SLC25A21: variants seen among roughly 807,000 people sequenced by gnomAD.
The protein encoded by SLC25A21 is solute carrier family 25 member 21.
In SLC25A21, 47 loss-of-function variants were observed where a neutral mutation model predicts 43.8. That is an observed-to-expected ratio of 1.07 (90% CI 0.85 to 1.37). SLC25A21 has a LOEUF of 1.37. SLC25A21 is among the 40% of genes most tolerant of loss of function. The pLI, the probability that SLC25A21 is intolerant of heterozygous loss-of-function variation, is 0.00. For missense variants in SLC25A21, 352 were observed against 350.2 expected (o/e 1.00, Z -0.04); for synonymous variants, 131 against 121.3 (o/e 1.08, Z -0.52).
At chr14:37,002,815 C>T (rs1245892279) in intron 1 of SLC25A21, among the ~76,000 whole-genome samples, 2 of 152,164 alleles carry the variant, frequency 1.3e-5, no homozygotes, top group African/African-American at 4.8e-5. Flanking sequence ...TGCTTTCTTT[C>T]CAGTAACTCC....
intron 1 of SLC25A21, among the ~76,000 whole-genome samples, chr14:37,154,638 G>C (rs1275123168): frequency 7.5e-6 from 1 of 132,868 alleles, no homozygotes; most frequent in Non-Finnish European, 1.6e-5. Context: ...TTTACTAAAA[G>C]ATAGATTTTT....
At chr14:36,739,668 C>T (rs964073464) in intron 3 of SLC25A21, among the ~76,000 whole-genome samples, 2 of 138,150 alleles carry the variant, frequency 1.4e-5, no homozygotes, top group African/African-American at 5.7e-5. Flanking sequence ...CAGAGCAAGA[C>T]TCTGTCTAAA....
At chr14:36,950,997 T>A (rs1892796801) in intron 1 of SLC25A21, among the ~76,000 whole-genome samples, 1 of 152,226 alleles carries the variant, frequency 6.6e-6, no homozygotes, top group Admixed American at 6.5e-5. Context: ...CTCCATTTCC[T>A]CAGCAATGGC....
intron 3 of SLC25A21, among the ~76,000 whole-genome samples, chr14:36,792,167 G>A (rs181010152): frequency 6.6e-6 from 1 of 152,178 alleles, no homozygotes; most frequent in East Asian, 1.9e-4. Context: ...TATGATTAGA[G>A]GACTTAAAAT....
chr14:36,681,946 A>G (rs904721286), intron 9 of SLC25A21, among the ~76,000 whole-genome samples: 3 of 152,318 alleles, frequency 2.0e-5, no homozygotes, highest in African/African-American at 7.2e-5. Flanking sequence ...CTTACTAATC[A>G]TTCACAATGT....
chr14:36,744,871 T>TA (rs398077700), intron 3 of SLC25A21, among the ~76,000 whole-genome samples: 1 of 151,488 alleles, frequency 6.6e-6, no homozygotes, highest in African/African-American at 2.4e-5. Context: ...TTCTTTTTTT[T>TA]TATTATAGTT....
chr14:36,821,571 C>T (rs913791438), intron 2 of SLC25A21, among the ~76,000 whole-genome samples: 6 of 152,230 alleles, frequency 3.9e-5, no homozygotes, highest in Admixed American at 2.0e-4. Context: ...AATCCCACCA[C>T]TTTGGGAGGC....
At chr14:37,004,399 A>C (rs551259476) in intron 1 of SLC25A21, among the ~76,000 whole-genome samples, 27 of 152,330 alleles carry the variant, frequency 1.8e-4, no homozygotes, top group African/African-American at 6.3e-4. Flanking sequence ...TCAGACAGAA[A>C]TAAAAATGGC....
intron 3 of SLC25A21, among the ~76,000 whole-genome samples, chr14:36,785,997 G>A (rs1192752663): frequency 6.6e-6 from 1 of 152,184 alleles, no homozygotes; most frequent in Non-Finnish European, 1.5e-5. Context: ...TGGTATCACT[G>A]AACATTATTT....
chr14:36,923,125 A>T (rs1358438051), intron 1 of SLC25A21, among the ~76,000 whole-genome samples: 1 of 152,150 alleles, frequency 6.6e-6, no homozygotes, highest in Non-Finnish European at 1.5e-5. Flanking sequence ...GCTGAAAAAA[A>T]ATTCCAAGGA....
chr14:37,031,546 A>G (rs1378460434), intron 1 of SLC25A21, among the ~76,000 whole-genome samples: 3 of 152,188 alleles, frequency 2.0e-5, no homozygotes, highest in Admixed American at 2.0e-4. Flanking sequence ...TTTATATCAC[A>G]GGTATCTCAT....
At chr14:36,744,900 T>C (rs1885427992) in intron 3 of SLC25A21, among the ~76,000 whole-genome samples, 1 of 152,064 alleles carries the variant, frequency 6.6e-6, no homozygotes, top group African/African-American at 2.4e-5. Context: ...AGGGTACATG[T>C]ACACAACGTG....
At chr14:37,123,665 T>G (rs140592997) in intron 1 of SLC25A21, among the ~76,000 whole-genome samples, 1,659 of 152,218 alleles carry the variant, frequency 0.011, 24 homozygotes, top group Non-Finnish European at 0.015. Context: ...TATAAAAATA[T>G]GAAATTGTAT....
At chr14:36,880,370 C>A (rs1019180152) in intron 1 of SLC25A21, among the ~76,000 whole-genome samples, 5 of 152,182 alleles carry the variant, frequency 3.3e-5, no homozygotes, top group Admixed American at 2.0e-4. Context: ...AGAAAAATTT[C>A]TATTTTCCTT....
rs558049794 is a variant in SLC25A21 at position 37,121,024 on chromosome 14, C to CA, written c.70+51256dup. 2.0e-5 allele frequency among the ~76,000 whole-genome samples: 3 copies of CA among 152,208 alleles called. No individual in the cohort carries two copies. In the East Asian group the frequency reaches 5.8e-4, roughly 29 times the overall value. On this transcript the variant is annotated intron_variant, in intron 1 of 9. Coordinates refer to ENST00000331299, the MANE Select transcript of SLC25A21 (RefSeq NM_030631.4). ...AATGGGCTGAGTAAACATTTCTTCG[C>CA]AAAAAGTATTATGACCAAGGTCTTT...
At chr14:37,133,217 C>G (rs1409366165) in intron 1 of SLC25A21, among the ~76,000 whole-genome samples, 1 of 151,892 alleles carries the variant, frequency 6.6e-6, no homozygotes, top group African/African-American at 2.4e-5. Flanking sequence ...GATAAATATG[C>G]TGATGACTAT....
At chr14:36,783,558 G>C (rs1034235881) in intron 3 of SLC25A21, among the ~76,000 whole-genome samples, 7 of 152,246 alleles carry the variant, frequency 4.6e-5, no homozygotes, top group African/African-American at 1.7e-4. Flanking sequence ...GGGAGAGCCA[G>C]GCACTCACTC....
intron 3 of SLC25A21, among the ~76,000 whole-genome samples, chr14:36,800,612 G>C (rs1887837843): frequency 6.6e-6 from 1 of 152,060 alleles, no homozygotes; most frequent in African/African-American, 2.4e-5. Flanking sequence ...CTGTTTAAGG[G>C]TACAGATTTT....
chr14:36,735,657 T>C (rs996463304), intron 3 of SLC25A21, among the ~76,000 whole-genome samples: 1 of 152,074 alleles, frequency 6.6e-6, no homozygotes, highest in Non-Finnish European at 1.5e-5. Flanking sequence ...GACCTCTTGT[T>C]CTCCTTCAAT....
Sources: allele counts gnomAD v4.1 joint callset (sites outside exome capture counted in the v4.1 genomes callset), GRCh38; gene constraint gnomAD v4.1.1; transcripts MANE v1.5; gene names NCBI Gene and HGNC (gene_info 2026-07-23, HGNC 2026-07-21).